The following KANSL1 variants were observed in gnomAD, a reference collection of about 807,000 sequenced individuals.
KANSL1 encodes MLL1/MLL complex subunit KANSL1.
A neutral mutation model predicts 103.6 loss-of-function variants in KANSL1; 22 were observed. The observed-to-expected ratio is 0.21, with a 90% CI of 0.15 to 0.30. The LOEUF is 0.30. Among genes scored for constraint, KANSL1 ranks in the 10% least tolerant of loss-of-function variants. KANSL1 has a pLI of 1.00. For missense variants in KANSL1, 1,337 were observed against 1,399.8 expected, an observed-to-expected ratio of 0.96 and a Z score of 0.72; for synonymous variants, 600 against 527.6, an observed-to-expected ratio of 1.14 and a Z score of -1.88.
intron 2 of KANSL1, among the ~76,000 whole-genome samples, chr17:46,109,260 T>C (rs901034501): frequency 6.6e-6 from 1 of 152,204 alleles, no homozygotes; most frequent in East Asian, 1.9e-4. Flanking sequence ...ATCCCAACCA[T>C]ACACAACTTG....
intron 2 of KANSL1, among the ~76,000 whole-genome samples, chr17:46,095,960 T>G (rs1179531860): frequency 6.6e-6 from 1 of 152,174 alleles, no homozygotes; most frequent in African/African-American, 2.4e-5. Context: ...AAGATGCTGT[T>G]TGAAATCTGG....
chr17:46,172,269 A>C (rs2046326486), intron 1 of KANSL1, 37 bp from the exon 2 acceptor site: 3 of 951,716 alleles, frequency 3.2e-6, no homozygotes, highest in Non-Finnish European at 4.5e-6. Flanking sequence ...TAGAAATACA[A>C]GCACTTTTAA....
At chr17:46,221,984 G>C (rs990603333) in intron 1 of KANSL1, 2 of 152,042 alleles carry the variant, frequency 1.3e-5, no homozygotes, top group African/African-American at 4.8e-5. Context: ...CTGACCAGAC[G>C]AACACTGTAA....
intron 2 of KANSL1, among the ~76,000 whole-genome samples, chr17:46,161,366 T>C (rs372666959): frequency 6.6e-5 from 10 of 151,968 alleles, no homozygotes; most frequent in African/African-American, 2.2e-4. Context: ...AACCTGGAAG[T>C]TGGAGCTTGC....
chr17:46,146,503 G>C (rs1342387594), intron 2 of KANSL1, among the ~76,000 whole-genome samples: 1 of 152,194 alleles, frequency 6.6e-6, no homozygotes, highest in Non-Finnish European at 1.5e-5. Context: ...CTACCCCATA[G>C]GCAGAGAGTA....
At chr17:46,138,432 T>G (rs1348344743) in intron 2 of KANSL1, among the ~76,000 whole-genome samples, 2 of 152,248 alleles carry the variant, frequency 1.3e-5, no homozygotes, top group African/African-American at 2.4e-5. Flanking sequence ...ATAAGTAATC[T>G]AGAGATGACA....
At chr17:46,085,256 T>C (rs1319905181) in intron 3 of KANSL1, among the ~76,000 whole-genome samples, 1 of 152,228 alleles carries the variant, frequency 6.6e-6, no homozygotes, top group East Asian at 1.9e-4. Context: ...TCTTTATTTA[T>C]ACTCATTTTT....
chr17:46,106,480 C>T (rs1212756259), intron 2 of KANSL1, among the ~76,000 whole-genome samples: 1 of 152,186 alleles, frequency 6.6e-6, no homozygotes, highest in Non-Finnish European at 1.5e-5. Context: ...GCAACCTCTG[C>T]CTCACGGGTT....
intron 4 of KANSL1, among the ~76,000 whole-genome samples, chr17:46,071,920 T>A (rs2078590513): frequency 6.6e-6 from 1 of 152,128 alleles, no homozygotes. Context: ...CCCTAGGGGA[T>A]TATCTTTTGG....
At chr17:46,202,347 C>T (rs2047832531) in intron 1 of KANSL1, among the ~76,000 whole-genome samples, 1 of 152,260 alleles carries the variant, frequency 6.6e-6, no homozygotes, top group Non-Finnish European at 1.5e-5. Flanking sequence ...CTTCTGGTCC[C>T]AAGCATTTCG....
rs554838194 is a variant in KANSL1, at chr17:46,096,858, C to A, written c.1290-2157G>T. 5.3e-5 allele frequency among the ~76,000 whole-genome samples: 8 copies of A among 152,214 alleles called. No homozygotes were observed. In the South Asian group the frequency reaches 1.7e-3, roughly 32 times the overall value. On this transcript the variant is annotated intron_variant, in intron 2 of 14. Coordinates refer to ENST00000432791, the MANE Select transcript of KANSL1 (RefSeq NM_015443.4). ...GGTCTCGATCTCCTGACCTCATGATCCACCCACCTCAGCCTCCCAAAGTGC... is the reference window on the plus strand; with the variant it reads ...GGTCTCGATCTCCTGACCTCATGATACACCCACCTCAGCCTCCCAAAGTGC...
At chr17:46,034,968 A>C (rs911774203) in intron 10 of KANSL1, 10 of 152,244 alleles carry the variant, frequency 6.6e-5, no homozygotes, top group Non-Finnish European at 1.3e-4. Context: ...TCCTGGTGAA[A>C]GGAAATTTGC....
intron 3 of KANSL1, among the ~76,000 whole-genome samples, chr17:46,087,355 C>G (rs2079202335): frequency 6.6e-6 from 1 of 152,130 alleles, no homozygotes; most frequent in Non-Finnish European, 1.5e-5. Context: ...AACACTGGAT[C>G]CTCTAATTTA....
chr17:46,154,696 A>G (rs1331133813), intron 2 of KANSL1, among the ~76,000 whole-genome samples: 1 of 152,246 alleles, frequency 6.6e-6, no homozygotes. Context: ...GTACCAGAAT[A>G]CAGGAAAAGG....
At chr17:46,169,595 T>C (rs888248351) in intron 2 of KANSL1, 22 of 152,270 alleles carry the variant, frequency 1.4e-4, no homozygotes, top group African/African-American at 5.3e-4. Context: ...CCTTCTCTAG[T>C]AAGCCAGCCT....
At chr17:46,162,914 T>C (rs2045818086) in intron 2 of KANSL1, among the ~76,000 whole-genome samples, 1 of 152,346 alleles carries the variant, frequency 6.6e-6, no homozygotes, top group African/African-American at 2.4e-5. Flanking sequence ...TCCAGGACCT[T>C]AGCATGTCTT....
intron 1 of KANSL1, among the ~76,000 whole-genome samples, chr17:46,183,079 T>C (rs975474663): frequency 3.3e-5 from 5 of 152,276 alleles, no homozygotes; most frequent in African/African-American, 1.2e-4. Flanking sequence ...GGCTGAGAAG[T>C]AGGCGGAGTC....
chr17:46,180,852 T>C (rs1311515941), intron 1 of KANSL1, among the ~76,000 whole-genome samples: 1 of 152,050 alleles, frequency 6.6e-6, no homozygotes, highest in Non-Finnish European at 1.5e-5. Context: ...AAAAAGTATA[T>C]ACATATATAT....
chr17:46,151,975 C>T (rs562611463), intron 2 of KANSL1, among the ~76,000 whole-genome samples: 1 of 152,344 alleles, frequency 6.6e-6, no homozygotes, highest in Non-Finnish European at 1.5e-5. Flanking sequence ...GATCCCATCC[C>T]AGAGGGTGTA....
Sources: allele counts gnomAD v4.1 joint callset (sites outside exome capture counted in the v4.1 genomes callset), GRCh38; gene constraint gnomAD v4.1.1; transcripts MANE v1.5; gene names NCBI Gene and HGNC (gene_info 2026-07-23, HGNC 2026-07-21).